Variants in LYSMD1 observed in about 807,000 individuals in gnomAD.
LYSMD1 encodes the protein LysM domain containing 1.
A neutral mutation model predicts 19.3 loss-of-function variants in LYSMD1; 9 were observed. The ratio of observed to expected loss-of-function variants is 0.47; its 90% CI spans 0.28 to 0.81. The LOEUF (loss-of-function observed/expected upper bound fraction) is 0.81, where lower values mean the gene tolerates loss of function less well. LYSMD1 is among the 40% of genes least tolerant of loss of function. The pLI, the probability that LYSMD1 is intolerant of heterozygous loss-of-function variation, is 0.11. For synonymous variants in LYSMD1, 111 were observed against 111.7 expected (o/e 0.99, Z 0.04); for missense variants, 262 against 279.8 (o/e 0.94, Z 0.45).
At position 151,165,772 on chromosome 1, in the gene LYSMD1, C is replaced by T. The variant is rs1330367997; in HGVS notation, c.-514G>A. ...CTTCCACTCAGAGATCCTCAAAGGTCCGCTCCGCATAAGATAGGTCACACC... is the reference window on the plus strand; with the variant it reads ...CTTCCACTCAGAGATCCTCAAAGGTTCGCTCCGCATAAGATAGGTCACACC... On this transcript the variant is annotated 5_prime_UTR_variant, in exon 1 of 3. Transcript: ENST00000368908. 15 of 1,551,710 alleles carry T rather than the reference C, an allele frequency of 9.7e-6. No homozygotes were observed. The highest frequency in any genetic ancestry group is 1.3e-5 in the Non-Finnish European group (15 of 1,146,956).
At chr1:151,154,005 T>C in the LYSMD1 span, among the ~76,000 whole-genome samples, 1 of 151,870 alleles carries the variant, frequency 6.6e-6, no homozygotes, top group Admixed American at 6.6e-5. Context: ...TCCCCATGAA[T>C]GAAGTAAATG....
downstream of LYSMD1, chr1:151,158,933 T>C (rs1205124030): frequency 1.2e-6 from 2 of 1,614,124 alleles, no homozygotes; most frequent in African/African-American, 2.7e-5. Flanking sequence ...AATGGCTCCT[T>C]TGGCCCCAGT....
At chr1:151,157,732 A>T (rs1366622245), downstream of LYSMD1, among the ~76,000 whole-genome samples, 5 of 152,168 alleles carry the variant, frequency 3.3e-5, no homozygotes, top group Non-Finnish European at 7.3e-5. Context: ...ACCTACCCTA[A>T]CCTTACACAG....
At chr1:151,155,038 T>A (rs922780666), downstream of LYSMD1, among the ~76,000 whole-genome samples, 1 of 152,154 alleles carries the variant, frequency 6.6e-6, no homozygotes, top group Admixed American at 6.5e-5. Context: ...GGGATTACAG[T>A]CATGAGCCAC....
chr1:151,149,867 C>T, the LYSMD1 span, among the ~76,000 whole-genome samples: 3 of 152,172 alleles, frequency 2.0e-5, no homozygotes, highest in Admixed American at 6.5e-5. Flanking sequence ...TTACCATTTC[C>T]TTGTTCATCT....
chr1:151,150,705 T>C, the LYSMD1 span, among the ~76,000 whole-genome samples: 2 of 151,896 alleles, frequency 1.3e-5, no homozygotes, highest in Non-Finnish European at 2.9e-5. Flanking sequence ...GTTTCACTTC[T>C]ATTAATATGG....
chr1:151,149,391 T>A, the LYSMD1 span, among the ~76,000 whole-genome samples: 4 of 149,556 alleles, frequency 2.7e-5, no homozygotes, highest in African/African-American at 9.9e-5. Context: ...AGAGGGAGAC[T>A]CTTAAAAAAA....
the LYSMD1 span, among the ~76,000 whole-genome samples, chr1:151,153,013 C>T: frequency 2.5e-3 from 377 of 152,226 alleles, 1 homozygote; most frequent in South Asian, 7.0e-3. Flanking sequence ...GAAAGAGCAC[C>T]ATTGAAAGTC....
chr1:151,158,348 T>C (rs1683300990), downstream of LYSMD1, among the ~76,000 whole-genome samples: 1 of 150,826 alleles, frequency 6.6e-6, no homozygotes, highest in Admixed American at 6.6e-5. Context: ...AAGAATTATC[T>C]GTCAGGTAAG....
At chr1:151,152,464 G>A in the LYSMD1 span, among the ~76,000 whole-genome samples, 1 of 151,434 alleles carries the variant, frequency 6.6e-6, no homozygotes, top group Non-Finnish European at 1.5e-5. Flanking sequence ...CACTTCGGGA[G>A]GCCGAGCTGG....
the LYSMD1 span, among the ~76,000 whole-genome samples, chr1:151,149,256 TGTG>T: frequency 7.2e-3 from 1,085 of 151,294 alleles, 11 homozygotes; most frequent in African/African-American, 0.025. Context: ...ATTAGCCGGG[TGTG>T]GTGATGGGCA....
chr1:151,164,926 G>A (rs587602483), intron 1 of LYSMD1, among the ~76,000 whole-genome samples, 153 bp downstream of exon 1: 2 of 152,310 alleles, frequency 1.3e-5, no homozygotes, highest in South Asian at 2.1e-4. Context: ...CAGGACTTGT[G>A]CAACACTGTG....
At chr1:151,152,303 A>G in the LYSMD1 span, among the ~76,000 whole-genome samples, 11 of 152,090 alleles carry the variant, frequency 7.2e-5, no homozygotes, top group Admixed American at 3.3e-4. Flanking sequence ...AGGCTGAGGC[A>G]GGAGAATAGC....
chr1:151,160,741 G>A lies in LYSMD1; in HGVS notation c.*141C>T. 9.6e-7 allele frequency: 1 copy of A among 1,046,364 alleles called. No individual in the cohort carries two copies. 64.8% of individuals were successfully genotyped at this position (1,046,364 alleles called of 1,614,324 possible). On this transcript the variant is annotated 3_prime_UTR_variant, in exon 3 of 3. Coordinates refer to ENST00000368908, the MANE Select transcript of LYSMD1 (RefSeq NM_212551.5). ...AACTGCCCCAGGCCAAGGAATTTTT[G>A]GCAGACAAGGAGGCTGGGGAGGATG...
rs1322292923 is a variant in LYSMD1 at position 151,162,104 on chromosome 1, A to T, written c.181-4T>A. ...TTGCACGTTTAATCTGTTCCATCTT[A>T]AAAAAAAAAGTCACCAAAATTAAGG... On this transcript the variant is annotated splice_polypyrimidine_tract_variant and splice_region_variant and intron_variant, in intron 1 of 2. Coordinates refer to ENST00000368908, the MANE Select transcript of LYSMD1 (RefSeq NM_212551.5). 4 of 1,316,000 alleles carry T rather than the reference A, an allele frequency of 3.0e-6. No homozygotes were observed. The highest frequency in any genetic ancestry group is 5.2e-5 in the East Asian group (2 of 38,540). The allele number at this position is 1,316,000 out of a possible 1,614,324, so 81.5% of individuals were successfully genotyped here.
chr1:151,163,899 TGTGTGTGTGTGTGTCTCA>T (rs1162305976), intron 1 of LYSMD1, among the ~76,000 whole-genome samples: 2 of 151,792 alleles, frequency 1.3e-5, no homozygotes, highest in Non-Finnish European at 2.9e-5. Context: ...TGTGTGTGTG[TGTGTGTGTGTGTGTCTCA>T]CTCTGTTGCC....
the LYSMD1 span, among the ~76,000 whole-genome samples, chr1:151,149,577 C>T: frequency 6.6e-6 from 1 of 151,896 alleles, no homozygotes; most frequent in African/African-American, 2.4e-5. Context: ...ACAGTGAAAC[C>T]CCGTCTCTAC....
At chr1:151,148,933 G>A in the LYSMD1 span, among the ~76,000 whole-genome samples, 2 of 152,116 alleles carry the variant, frequency 1.3e-5, no homozygotes, top group Admixed American at 6.6e-5. Context: ...CTTGAAAAAG[G>A]GTGCAACTTG....
At chr1:151,156,613 G>A (rs189187183), downstream of LYSMD1, 2 of 152,326 alleles carry the variant, frequency 1.3e-5, no homozygotes, top group Admixed American at 6.5e-5. Context: ...GTAGGTAGGC[G>A]GGGCTCAAGG....
Sources: gnomAD v4.1 joint callset for allele counts (sites outside exome capture counted in the v4.1 genomes callset) on GRCh38, gnomAD v4.1.1 for gene constraint, MANE v1.5 for transcripts, NCBI Gene and HGNC (gene_info 2026-07-23, HGNC 2026-07-21) for gene names.